The following DLGAP1 variants were observed in gnomAD, a reference collection of about 807,000 sequenced individuals.
The protein encoded by DLGAP1 is disks large-associated protein 1.
In DLGAP1, 11 loss-of-function variants were observed where a neutral mutation model predicts 90.8. The ratio of observed to expected loss-of-function variants is 0.12; its 90% CI spans 0.08 to 0.20. The LOEUF (loss-of-function observed/expected upper bound fraction) is 0.20. Among genes scored for constraint, DLGAP1 ranks in the 10% least tolerant of loss-of-function variants. The pLI is 1.00. For synonymous variants in DLGAP1, 558 were observed against 540.7 expected (o/e 1.03, Z -0.44); for missense variants, 1,050 against 1,333.8 (o/e 0.79, Z 3.31).
At chr18:3,691,926 T>TAAAAATAAA (rs986136792) in intron 7 of DLGAP1, among the ~76,000 whole-genome samples, 6 of 151,182 alleles carry the variant, frequency 4.0e-5, no homozygotes. Context: ...TCTCAAAAAA[T>TAAAAATAAA]AAAAATAAAA....
chr18:4,153,133 C>T (rs1231337812), intron 1 of DLGAP1, among the ~76,000 whole-genome samples: 2 of 152,086 alleles, frequency 1.3e-5, no homozygotes, highest in African/African-American at 4.8e-5. Context: ...GTTAGGTAAA[C>T]AAATATATTA....
rs192431656 is a variant in DLGAP1 at position 4,438,831 on chromosome 18, C to T, written c.-267+16175G>A. Among the ~76,000 whole-genome samples, 109 of 152,266 alleles carry T rather than the reference C, an allele frequency of 7.2e-4. 1 individual carries two copies. The highest frequency in any genetic ancestry group is 1.9e-3 in the South Asian group (9 of 4,828). The stretch of plus-strand genomic sequence containing the variant: ...TATTGCTGAAATCTCCATGAAACGC[C>T]TCTCTCATGGGAAACTTAGTTCAAA... On this transcript the variant is annotated intron_variant, in intron 1 of 12. Coordinates refer to ENST00000315677, the MANE Select transcript of DLGAP1 (RefSeq NM_004746.4).
chr18:4,290,326 G>C (rs1455329978), intron 1 of DLGAP1, among the ~76,000 whole-genome samples: 1 of 152,200 alleles, frequency 6.6e-6, no homozygotes, highest in East Asian at 1.9e-4. Flanking sequence ...GCATTCTGCA[G>C]GTGCAATTTA....
At chr18:4,024,723 G>A (rs1331304116) in intron 2 of DLGAP1, among the ~76,000 whole-genome samples, 2 of 152,116 alleles carry the variant, frequency 1.3e-5, no homozygotes, top group African/African-American at 4.8e-5. Context: ...TGATGATAAT[G>A]ACACCCTTTG....
chr18:3,589,563 A>G (rs1599395825), intron 7 of DLGAP1, among the ~76,000 whole-genome samples: 1 of 152,152 alleles, frequency 6.6e-6, no homozygotes, highest in African/African-American at 2.4e-5. Flanking sequence ...AATTAAACTT[A>G]TATATAAATT....
chr18:3,610,130 T>G (rs1195369512), intron 7 of DLGAP1, among the ~76,000 whole-genome samples: 1 of 152,008 alleles, frequency 6.6e-6, no homozygotes, highest in African/African-American at 2.4e-5. Context: ...ATATGTCCTC[T>G]CCTTCGAGAG....
rs1372417951 is a variant in DLGAP1 at position 4,039,114 on chromosome 18, A to G, written c.-158-33913T>C. On this transcript the variant is annotated intron_variant, in intron 2 of 12. Transcript: ENST00000315677. ...AACCTCGAAAACAAGAAAGAAAAAA[A>G]AGTTCAGCTCAGCTTTTAGAAATAT... 2.6e-5 allele frequency among the ~76,000 whole-genome samples: 4 copies of G among 152,350 alleles called. No homozygotes were observed. The East Asian group carries it at 5.8e-4, about 22-fold the overall frequency.
At chr18:3,796,132 T>G (rs1598780592) in intron 5 of DLGAP1, among the ~76,000 whole-genome samples, 1 of 151,968 alleles carries the variant, frequency 6.6e-6, no homozygotes, top group East Asian at 1.9e-4. Flanking sequence ...CCCTTCTGTA[T>G]CTCTGTTCTG....
At chr18:3,923,335 A>G (rs1163788592) in intron 3 of DLGAP1, among the ~76,000 whole-genome samples, 1 of 152,016 alleles carries the variant, frequency 6.6e-6, no homozygotes, top group Non-Finnish European at 1.5e-5. Flanking sequence ...TAATTTTCAC[A>G]TTATTATAAA....
intron 4 of DLGAP1, among the ~76,000 whole-genome samples, chr18:3,868,071 A>G (rs2070515264): frequency 6.6e-6 from 1 of 152,148 alleles, no homozygotes; most frequent in African/African-American, 2.4e-5. Context: ...AAAGCCTTAG[A>G]GAGAAGGCAG....
At chr18:4,182,497 A>G (rs1483587401) in intron 1 of DLGAP1, among the ~76,000 whole-genome samples, 1 of 151,360 alleles carries the variant, frequency 6.6e-6, no homozygotes, top group Non-Finnish European at 1.5e-5. Flanking sequence ...TTTATTTTTT[A>G]TTTTTTTTGT....
At chr18:3,916,364 T>C (rs943403547) in intron 3 of DLGAP1, among the ~76,000 whole-genome samples, 3 of 152,180 alleles carry the variant, frequency 2.0e-5, no homozygotes, top group Admixed American at 1.3e-4. Context: ...GCTTGGTAGA[T>C]AACACTTTCC....
chr18:3,765,381 T>C (rs111990406), intron 5 of DLGAP1, among the ~76,000 whole-genome samples: 30,427 of 150,152 alleles, frequency 0.2, 3,582 homozygotes, highest in East Asian at 0.54. Context: ...CTGCCCACCT[T>C]GGCCTCCCAA....
intron 3 of DLGAP1, among the ~76,000 whole-genome samples, chr18:3,908,425 C>A (rs2071959573): frequency 6.6e-6 from 1 of 152,116 alleles, no homozygotes; most frequent in South Asian, 2.1e-4. Context: ...ATTTGGCGAG[C>A]TGTGATTCAA....
intron 3 of DLGAP1, among the ~76,000 whole-genome samples, chr18:3,900,669 C>T (rs886538735): frequency 6.6e-6 from 1 of 151,968 alleles, no homozygotes; most frequent in South Asian, 2.1e-4. Context: ...AACATTATGC[C>T]CTTGGGATGC....
At chr18:3,869,228 A>T (rs2148786822) in intron 4 of DLGAP1, among the ~76,000 whole-genome samples, 1 of 152,014 alleles carries the variant, frequency 6.6e-6, no homozygotes, top group Non-Finnish European at 1.5e-5. Context: ...AGCCAATATC[A>T]AGCCATGGGA....
intron 1 of DLGAP1, among the ~76,000 whole-genome samples, chr18:4,220,211 T>C (rs1419005547): frequency 6.6e-6 from 1 of 152,180 alleles, no homozygotes; most frequent in African/African-American, 2.4e-5. Context: ...TACCCCTAAG[T>C]ATTTTGTATG....
chr18:3,657,934 A>G (rs2059558950), intron 7 of DLGAP1, among the ~76,000 whole-genome samples: 1 of 152,144 alleles, frequency 6.6e-6, no homozygotes, highest in Non-Finnish European at 1.5e-5. Context: ...ATCTTGGCCA[A>G]ACTCTTGTAT....
At position 4,116,355 on chromosome 18, in the gene DLGAP1, T is replaced by C. The variant is rs538654954; in HGVS notation, c.-159+34825A>G. On this transcript the variant is annotated intron_variant, in intron 2 of 12. Coordinates refer to ENST00000315677, the MANE Select transcript of DLGAP1 (RefSeq NM_004746.4). ...TTGTATTTCTCCTACTTGGAGTTTA[T>C]TGAGCTTCTTGACTCTGTAGAAAAA... 5.9e-5 allele frequency among the ~76,000 whole-genome samples: 9 copies of C among 152,340 alleles called. No individual in the cohort carries two copies. In the East Asian group the frequency reaches 1.7e-3, roughly 29 times the overall value.
Sources: allele counts gnomAD v4.1 joint callset (sites outside exome capture counted in the v4.1 genomes callset), GRCh38; gene constraint gnomAD v4.1.1; transcripts MANE v1.5; gene names NCBI Gene and HGNC (gene_info 2026-07-23, HGNC 2026-07-21).